FAR2: variants seen among roughly 807,000 people sequenced by gnomAD.
The protein encoded by FAR2 is epididymis secretory protein Li 81.
Under a neutral mutation model 56.0 loss-of-function variants are expected in FAR2, and 19 were observed. The ratio of observed to expected loss-of-function variants is 0.34; its 90% CI spans 0.24 to 0.50. The LOEUF is 0.50. FAR2 is among the 20% of genes least tolerant of loss of function. FAR2 has a pLI of 0.98. For synonymous variants in FAR2, 219 were observed against 218.8 expected (o/e 1.00, Z -0.01); for missense variants, 508 against 642.2 (o/e 0.79, Z 2.26).
chr12:29,177,984 C>T (rs1949954420), intron 1 of FAR2, among the ~76,000 whole-genome samples: 1 of 152,082 alleles, frequency 6.6e-6, no homozygotes, highest in Non-Finnish European at 1.5e-5. Flanking sequence ...GGAAGGAGCT[C>T]AGTGACAAGA....
chr12:29,184,578 G>T (rs1950022072), intron 1 of FAR2, among the ~76,000 whole-genome samples: 2 of 151,624 alleles, frequency 1.3e-5, no homozygotes, highest in African/African-American at 4.8e-5. Flanking sequence ...GGGATTACTG[G>T]TGCCCACCAC....
At chr12:29,277,928 CTTTCTT>C (rs1948726890) in intron 2 of FAR2, 1 of 90,360 alleles carries the variant, frequency 1.1e-5, no homozygotes, top group African/African-American at 3.9e-5. Context: ...TACATATTTT[CTTTCTT>C]TTTTTTTTTT....
At chr12:29,323,074 G>A (rs1243899223) in intron 10 of FAR2, among the ~76,000 whole-genome samples, 3 of 152,244 alleles carry the variant, frequency 2.0e-5, no homozygotes, top group East Asian at 3.9e-4. Context: ...CTCTTCCAAC[G>A]GGCTTAACAA....
At chr12:29,274,850 C>T (rs34308096) in intron 2 of FAR2, among the ~76,000 whole-genome samples, 85,222 of 149,988 alleles carry the variant, frequency 0.57, 25,041 homozygotes, top group African/African-American at 0.72. Context: ...TATCTCCCTT[C>T]GCTGACTCTC....
chr12:29,265,323 A>C (rs571279466), intron 1 of FAR2, among the ~76,000 whole-genome samples: 2 of 152,304 alleles, frequency 1.3e-5, no homozygotes, highest in East Asian at 3.9e-4. Flanking sequence ...TGGCATAAAA[A>C]CTGAAACATA....
Position 29,310,460 on chromosome 12 carries a change from T to C in FAR2, c.769-568T>C, listed in dbSNP as rs1295760006. 2.6e-5 allele frequency among the ~76,000 whole-genome samples: 4 copies of C among 152,120 alleles called. No individual in the cohort carries two copies. In the South Asian group the frequency reaches 8.3e-4, roughly 31 times the overall value. ...CAGTGATCTGTGAGGTGAACTAAGA[T>C]ACTGAATAAAAAGTAAATAATAAGG... is the stretch of plus-strand genomic sequence containing the variant. On this transcript the variant is annotated intron_variant, in intron 6 of 11. Transcript: ENST00000536681.
intron 10 of FAR2, among the ~76,000 whole-genome samples, chr12:29,328,745 A>G (rs1221403270): frequency 2.4e-4 from 11 of 45,202 alleles, no homozygotes; most frequent in Non-Finnish European, 4.2e-4. Flanking sequence ...CCTGTTGTGG[A>G]GTGGGGGGAG....
chr12:29,324,310 A>T (rs746445102), intron 10 of FAR2, among the ~76,000 whole-genome samples: 2 of 152,180 alleles, frequency 1.3e-5, no homozygotes, highest in Non-Finnish European at 2.9e-5. Flanking sequence ...TGGAACCAAG[A>T]TGGAAAACAC....
intron 1 of FAR2, among the ~76,000 whole-genome samples, chr12:29,246,953 C>A (rs1338174712): frequency 2.0e-5 from 3 of 151,996 alleles, no homozygotes; most frequent in Non-Finnish European, 1.5e-5. Context: ...TCATAAAGAA[C>A]TAATAACTTT....
intron 2 of FAR2, among the ~76,000 whole-genome samples, chr12:29,292,605 T>C (rs1948989642): frequency 1.3e-5 from 2 of 152,132 alleles, no homozygotes; most frequent in Admixed American, 6.5e-5. Context: ...TATTGGGTAA[T>C]AAAAAGTTGA....
chr12:29,180,130 G>C (rs1028426965), intron 1 of FAR2, among the ~76,000 whole-genome samples: 1 of 151,954 alleles, frequency 6.6e-6, no homozygotes, highest in African/African-American at 2.4e-5. Flanking sequence ...TCCCTCAAAG[G>C]CTCACTCACT....
chr12:29,314,714 T>C (rs991989610), intron 8 of FAR2, among the ~76,000 whole-genome samples: 5 of 152,082 alleles, frequency 3.3e-5, no homozygotes, highest in Non-Finnish European at 7.4e-5. Flanking sequence ...AGGCAAAATA[T>C]TGCAATCATA....
At chr12:29,220,477 T>C (rs927940389) in intron 1 of FAR2, among the ~76,000 whole-genome samples, 1 of 152,228 alleles carries the variant, frequency 6.6e-6, no homozygotes, top group Non-Finnish European at 1.5e-5. Context: ...TGGATGAGTA[T>C]GCAGAAATCT....
chr12:29,170,460 G>A (rs1591828520), intron 1 of FAR2, among the ~76,000 whole-genome samples: 1 of 152,250 alleles, frequency 6.6e-6, no homozygotes, highest in African/African-American at 2.4e-5. Flanking sequence ...GAGTACCACG[G>A]AGAAGACCTT....
intron 1 of FAR2, among the ~76,000 whole-genome samples, chr12:29,260,958 G>A (rs1264120418): frequency 6.6e-6 from 1 of 152,124 alleles, no homozygotes; most frequent in African/African-American, 2.4e-5. Flanking sequence ...ATGCAGTAAG[G>A]CTGCAGTGAC....
At chr12:29,248,033 G>T (rs1948155099) in intron 1 of FAR2, among the ~76,000 whole-genome samples, 1 of 152,170 alleles carries the variant, frequency 6.6e-6, no homozygotes, top group South Asian at 2.1e-4. Context: ...TCTAATACAT[G>T]TATTGTTATG....
At chr12:29,167,870 A>G (rs1194205624) in intron 1 of FAR2, among the ~76,000 whole-genome samples, 1 of 152,222 alleles carries the variant, frequency 6.6e-6, no homozygotes, top group African/African-American at 2.4e-5. Flanking sequence ...AGAGAGTATC[A>G]AAGCATTAAC....
chr12:29,313,882 T>G (rs1377201898), intron 8 of FAR2, among the ~76,000 whole-genome samples: 1 of 152,218 alleles, frequency 6.6e-6, no homozygotes, highest in East Asian at 1.9e-4. Context: ...TTGCCTTATC[T>G]CTATTTTCTC....
intron 1 of FAR2, among the ~76,000 whole-genome samples, chr12:29,204,806 A>G (rs1336489439): frequency 6.6e-6 from 1 of 152,096 alleles, no homozygotes; most frequent in South Asian, 2.1e-4. Flanking sequence ...ACACACTTTT[A>G]AACAACCGGA....
Sources: allele counts gnomAD v4.1 joint callset (sites outside exome capture counted in the v4.1 genomes callset), GRCh38; gene constraint gnomAD v4.1.1; transcripts MANE v1.5; gene names NCBI Gene and HGNC (gene_info 2026-07-23, HGNC 2026-07-21).